Variants in ADGB observed in about 807,000 individuals in gnomAD.
ADGB encodes the protein calpain-7-like protein.
In ADGB, 172 loss-of-function variants were observed where a neutral mutation model predicts 210.5. The ratio of observed to expected loss-of-function variants is 0.82; its 90% CI spans 0.72 to 0.93. ADGB has a LOEUF of 0.93. ADGB is among the 40% of genes least tolerant of loss of function. The probability of loss-of-function intolerance (pLI) is 0.00; values close to 1 mark genes in which losing one functional copy is unlikely to be tolerated. For missense variants in ADGB, 2,025 were observed against 1,964.8 expected, an observed-to-expected ratio of 1.03 and a Z score of -0.58; for synonymous variants, 658 against 662.7, an observed-to-expected ratio of 0.99 and a Z score of 0.11.
At chr6:146,745,828 C>G in intron 25 of ADGB, 94 bp from the exon 26 acceptor site, 3 of 946,778 alleles carry the variant, frequency 3.2e-6, no homozygotes, top group Non-Finnish European at 4.4e-6. Flanking sequence ...GTAGGTATAT[C>G]ATAATAATAA....
intron 4 of ADGB, among the ~76,000 whole-genome samples, chr6:146,654,445 C>T (rs1020860099): frequency 6.6e-5 from 10 of 151,704 alleles, no homozygotes; most frequent in African/African-American, 2.4e-4. Flanking sequence ...CTCAACCTCC[C>T]GGGCTAAAAA....
chr6:146,629,777 A>AT (rs958644872), intron 1 of ADGB, among the ~76,000 whole-genome samples: 2 of 152,096 alleles, frequency 1.3e-5, no homozygotes, highest in African/African-American at 4.8e-5. Flanking sequence ...AAAAAGCTTC[A>AT]TTTTTCCCTG....
chr6:146,646,127 C>T (rs1378015157), intron 3 of ADGB, among the ~76,000 whole-genome samples: 2 of 151,992 alleles, frequency 1.3e-5, no homozygotes, highest in Admixed American at 6.6e-5. Context: ...CCCTGAGGTT[C>T]CCTTGGTCAA....
Position 146,733,104 on chromosome 6 carries a change from A to T in ADGB, c.2521-16A>T. 2 of 1,443,200 alleles carry T rather than the reference A, an allele frequency of 1.4e-6. No homozygotes were observed. The highest frequency in any genetic ancestry group is 3.7e-5 in the African/African-American group (2 of 53,466). 89.4% of individuals were successfully genotyped at this position (1,443,200 alleles called of 1,614,324 possible). On this transcript the variant is annotated splice_polypyrimidine_tract_variant and intron_variant, in intron 20 of 35. Coordinates refer to ENST00000397944, the MANE Select transcript of ADGB (RefSeq NM_024694.4). ...GATGGTATTTTCTTGCTATAAAAAAAATTTATGTGTTTCAGGTTTTTCATC... is the reference window on the plus strand; with the variant it reads ...GATGGTATTTTCTTGCTATAAAAAATATTTATGTGTTTCAGGTTTTTCATC...
intron 1 of ADGB, among the ~76,000 whole-genome samples, chr6:146,607,550 AT>A (rs1780649581): frequency 6.6e-6 from 1 of 151,984 alleles, no homozygotes; most frequent in Non-Finnish European, 1.5e-5. Flanking sequence ...GGCTCTTATT[AT>A]TTTGATGTAT....
In ADGB at chr6:146,625,520, T is replaced by C. The variant is rs1269067616; in HGVS notation, c.75-9855T>C. Reference sequence around the variant, plus strand: ...CCAAATATCCTGTTGAAATGTGAGGTGTTTGGGTCATGGGAGTGGGTCTTT... The same window carrying C: ...CCAAATATCCTGTTGAAATGTGAGGCGTTTGGGTCATGGGAGTGGGTCTTT... On this transcript the variant is annotated intron_variant, in intron 1 of 35. Coordinates refer to ENST00000397944, the MANE Select transcript of ADGB (RefSeq NM_024694.4). Among the ~76,000 whole-genome samples the C allele has an allele frequency of 2.0e-5, 3 of 152,096 alleles. No homozygotes were observed. In the East Asian group the frequency reaches 5.8e-4, roughly 29 times the overall value.
intron 20 of ADGB, among the ~76,000 whole-genome samples, chr6:146,731,691 G>A (rs755008085): frequency 2.6e-5 from 4 of 151,996 alleles, no homozygotes; most frequent in East Asian, 1.9e-4. Flanking sequence ...TCCTCCTACC[G>A]TGTTATATTA....
chr6:146,632,848 G>A (rs1346942197), intron 1 of ADGB, among the ~76,000 whole-genome samples: 5 of 152,066 alleles, frequency 3.3e-5, no homozygotes, highest in African/African-American at 1.2e-4. Context: ...CACTGACCCA[G>A]CATTGTGGTC....
chr6:146,684,433 T>C lies in ADGB; in HGVS notation c.1217-1301T>C, dbSNP rs79740642. On this transcript the variant is annotated intron_variant, in intron 9 of 35. Transcript: ENST00000397944. ...GACTTATTGGAGGGCTTCAATTAGA[T>C]TGATCAGTGAGAAAAGTAACTGGAC... Among the ~76,000 whole-genome samples the C allele has an allele frequency of 6.5e-3, 987 of 152,136 alleles. 11 individuals are homozygous for C. Among genetic ancestry groups the C allele is most frequent in the African/African-American group, 0.022 (934 of 41,544 alleles).
chr6:146,740,349 A>G, intron 23 of ADGB, 110 bp from the exon 24 acceptor site: 1 of 998,156 alleles, frequency 1.0e-6, no homozygotes, highest in South Asian at 1.8e-5. Context: ...AATCTAGCCA[A>G]CAATGACTTG....
intron 27 of ADGB, among the ~76,000 whole-genome samples, chr6:146,756,966 A>G (rs1777416100): frequency 6.6e-6 from 1 of 151,952 alleles, no homozygotes; most frequent in Non-Finnish European, 1.5e-5. Context: ...ACCTCAAGTG[A>G]TCCACCTGCA....
intron 17 of ADGB, 103 bp from the exon 18 acceptor site, chr6:146,724,079 CTTGA>C: frequency 1.1e-6 from 1 of 917,230 alleles, no homozygotes; most frequent in Non-Finnish European, 1.6e-6. Flanking sequence ...ATTTCTAATG[CTTGA>C]TTATTGTTAT....
At chr6:146,644,089 G>A (rs1459710456) in intron 2 of ADGB, among the ~76,000 whole-genome samples, 1 of 151,760 alleles carries the variant, frequency 6.6e-6, no homozygotes, top group Non-Finnish European at 1.5e-5. Flanking sequence ...CTATGAAAAA[G>A]CATAGGAATG....
intron 12 of ADGB, among the ~76,000 whole-genome samples, chr6:146,697,667 C>T (rs1776425816): frequency 6.6e-6 from 1 of 152,018 alleles, no homozygotes; most frequent in South Asian, 2.1e-4. Context: ...ACACGTTGAA[C>T]ATGACCAACG....
intron 1 of ADGB, among the ~76,000 whole-genome samples, chr6:146,617,845 G>A (rs1780826987): frequency 6.6e-6 from 1 of 151,884 alleles, no homozygotes. Flanking sequence ...GGTTTGCCAG[G>A]ACAGTTGTTC....
At chr6:146,808,951 C>T (rs1481642697) in intron 35 of ADGB, among the ~76,000 whole-genome samples, 1 of 151,870 alleles carries the variant, frequency 6.6e-6, no homozygotes, top group Non-Finnish European at 1.5e-5. Context: ...CCATTGCGAT[C>T]GTGGAGGCCG....
intron 17 of ADGB, among the ~76,000 whole-genome samples, chr6:146,723,075 G>A (rs143988317): frequency 8.9e-4 from 136 of 152,044 alleles, no homozygotes; most frequent in African/African-American, 3.0e-3. Context: ...CTGAAATATC[G>A]TCAATGTTTT....
chr6:146,736,631 C>A, intron 23 of ADGB, 40 bp downstream of exon 23: 1 of 1,410,140 alleles, frequency 7.1e-7, no homozygotes. Context: ...AGTATATTGT[C>A]CTTTTGTCAA....
intron 13 of ADGB, among the ~76,000 whole-genome samples, chr6:146,702,068 C>T (rs953869080): frequency 2.0e-5 from 3 of 151,798 alleles, no homozygotes; most frequent in Admixed American, 2.0e-4. Context: ...GAGTGTCAAA[C>T]ATGTAATGTC....
Sources: gnomAD v4.1 joint callset for allele counts (sites outside exome capture counted in the v4.1 genomes callset) on GRCh38, gnomAD v4.1.1 for gene constraint, MANE v1.5 for transcripts, NCBI Gene and HGNC (gene_info 2026-07-23, HGNC 2026-07-21) for gene names.